ADPGK: variants seen among roughly 807,000 people sequenced by gnomAD.
ADPGK encodes ADP dependent glucokinase, also known as ADP-dependent glucokinase.
In ADPGK, 26 loss-of-function variants were observed where a neutral mutation model predicts 42.4. The observed-to-expected ratio is 0.61, with a 90% CI of 0.45 to 0.85. The LOEUF (loss-of-function observed/expected upper bound fraction) is 0.85. Among genes scored for constraint, ADPGK ranks in the 40% least tolerant of loss-of-function variants. The pLI is 0.00. For missense variants in ADPGK, 571 were observed against 627.0 expected (o/e 0.91, Z 0.95); for synonymous variants, 267 against 252.6 (o/e 1.06, Z -0.54).
chr15:72,778,171 C>T (rs1285726101), intron 1 of ADPGK, among the ~76,000 whole-genome samples: 4 of 152,120 alleles, frequency 2.6e-5, no homozygotes, highest in African/African-American at 9.7e-5. Context: ...ATCACTTGAG[C>T]CTGGGAGGCA....
intron 3 of ADPGK, among the ~76,000 whole-genome samples, chr15:72,765,975 A>G (rs1008495520): frequency 6.6e-6 from 1 of 152,146 alleles, no homozygotes; most frequent in African/African-American, 2.4e-5. Context: ...TCCAATTTTT[A>G]GAAGTTTTTT....
chr15:72,771,743 TAGG>T, intron 3 of ADPGK, 37 bp downstream of exon 3: 1 of 1,557,764 alleles, frequency 6.4e-7, no homozygotes. Flanking sequence ...ATTGAAACAC[TAGG>T]GAAAGGCATA....
intron 3 of ADPGK, among the ~76,000 whole-genome samples, chr15:72,769,349 A>C (rs2066300464): frequency 1.3e-5 from 2 of 152,154 alleles, no homozygotes; most frequent in African/African-American, 4.8e-5. Context: ...TAATTCCACA[A>C]GTATATATTT....
rs763126422 is a variant in ADPGK at position 72,760,475 on chromosome 15, T to C, written c.575A>G (p.Asn192Ser). The change falls in exon 4 of 7, where the codon AAT becomes AGT. Residue 192 changes from asparagine to serine, a missense_variant. Physicochemically the swap from Asn to Ser is conservative, Grantham distance 46. This residue lies in a region of ADPGK where 434 missense variants were observed against 522.7 expected (regional missense o/e 0.83). Transcript: ENST00000456471. ...CAATGACTCTGGTGGAACAAAGACATTGTCATCAAGAAGCTCATGTAGCTT... is the reference window on the plus strand; with the variant it reads ...CAATGACTCTGGTGGAACAAAGACACTGTCATCAAGAAGCTCATGTAGCTT... ...GPKLHELLDD[N>S]VFVPPESLQE... is the part of the protein sequence containing the mutation. 6.2e-7 allele frequency: 1 copy of C among 1,610,452 alleles called. No homozygotes were observed. The highest frequency in any genetic ancestry group is 1.1e-5 in the South Asian group (1 of 90,956).
intron 3 of ADPGK, among the ~76,000 whole-genome samples, chr15:72,760,805 T>C (rs1392267871): frequency 6.6e-6 from 1 of 152,138 alleles, no homozygotes; most frequent in South Asian, 2.1e-4. Flanking sequence ...AGCTGCTACA[T>C]CTCATTCCCT....
intron 3 of ADPGK, among the ~76,000 whole-genome samples, chr15:72,763,161 AT>A (rs1277064245): frequency 6.6e-6 from 1 of 151,624 alleles, no homozygotes; most frequent in African/African-American, 2.4e-5. Context: ...ATGTTTTTAT[AT>A]TTTTTTGAGA....
chr15:72,754,282 A>T (rs1295790922), intron 6 of ADPGK, among the ~76,000 whole-genome samples: 1 of 152,106 alleles, frequency 6.6e-6, no homozygotes, highest in African/African-American at 2.4e-5. Flanking sequence ...GTATCTGGGA[A>T]GGGTTCTGGA....
At chr15:72,772,214 A>G (rs950921738) in intron 2 of ADPGK, among the ~76,000 whole-genome samples, 3 of 152,206 alleles carry the variant, frequency 2.0e-5, no homozygotes, top group Non-Finnish European at 2.9e-5. Flanking sequence ...TGGAAAAATC[A>G]TTCAGTAGAT....
At chr15:72,762,628 A>G (rs1329021439) in intron 3 of ADPGK, among the ~76,000 whole-genome samples, 1 of 152,208 alleles carries the variant, frequency 6.6e-6, no homozygotes, top group African/African-American at 2.4e-5. Context: ...AAAATATATG[A>G]AACAATGGTT....
chr15:72,779,244 G>GTTTT (rs35321622), intron 1 of ADPGK, among the ~76,000 whole-genome samples: 52 of 107,186 alleles, frequency 4.9e-4, no homozygotes, highest in African/African-American at 7.0e-4. Context: ...TAGCATGAGG[G>GTTTT]TTTTTTTTTT....
intron 2 of ADPGK, 143 bp from the exon 3 acceptor site, chr15:72,771,988 T>C: frequency 1.9e-6 from 1 of 517,016 alleles, no homozygotes; most frequent in East Asian, 3.2e-5. Context: ...GACACACAGA[T>C]GAAGTGAATG....
intron 4 of ADPGK, chr15:72,757,707 A>T (rs534893106): frequency 5.5e-6 from 1 of 181,674 alleles, no homozygotes; most frequent in South Asian, 1.2e-4. Context: ...ATGGGTATGA[A>T]CCCCAAATCC....
Position 72,756,231 on chromosome 15 carries a change from T to C in ADPGK, c.840+20A>G, listed in dbSNP as rs756153103. On this transcript the variant is annotated intron_variant, in intron 5 of 6. Coordinates refer to ENST00000456471, the MANE Select transcript of ADPGK (RefSeq NM_001365225.1). ...AAACCACCAGCTGAGATCTGTGAAA[T>C]TCTGTAACAGTGCCATTACCTCCAA... is the stretch of plus-strand genomic sequence containing the variant. 15 of 1,613,338 alleles carry C rather than the reference T, an allele frequency of 9.3e-6. No homozygotes were observed. The highest frequency in any genetic ancestry group is 1.0e-5 in the Non-Finnish European group (12 of 1,179,414).
Position 72,783,578 on chromosome 15 carries a change from C to A in ADPGK, c.114G>T (p.Ser38=). The part of the protein sequence containing the change: ...PGSALRSLWS[S]LCLGPAPAPP... ...GCGCAGGCGCGGGCCCCAGACACAGCGAGCTCCAGAGAGAGCGCAGCGCCG... is the reference window on the plus strand; with the variant it reads ...GCGCAGGCGCGGGCCCCAGACACAGAGAGCTCCAGAGAGAGCGCAGCGCCG... The change falls in exon 1 of 7, where the codon TCG becomes TCT. Residue 38 remains serine (S), a synonymous_variant. Coordinates refer to ENST00000456471, the MANE Select transcript of ADPGK (RefSeq NM_001365225.1). 6.6e-7 allele frequency: 1 copy of A among 1,512,296 alleles called. No homozygotes were observed. The highest frequency in any genetic ancestry group is 1.2e-5 in the South Asian group (1 of 81,466). 93.7% of individuals were successfully genotyped at this position (1,512,296 alleles called of 1,614,324 possible). A position where few individuals can be genotyped will look rare whatever the true frequency, so the allele number is the denominator to read the frequency against.
intron 4 of ADPGK, chr15:72,757,911 A>AAT: frequency 3.2e-6 from 2 of 632,464 alleles, no homozygotes; most frequent in Non-Finnish European, 5.4e-6. Context: ...CAGAGGCAAA[A>AAT]ATAAACAGGC....
At position 72,783,649 on chromosome 15, in the gene ADPGK, G is replaced by C; in HGVS notation, c.43C>G (p.Leu15Val). Residue 15 changes from leucine to valine, a missense_variant, in exon 1 of 7, where the codon CTG (leucine) becomes GTG (valine). Leu to Val is a conservative substitution (Grantham distance 32, BLOSUM62 1). This residue lies in a region of ADPGK where 137 missense variants were observed against 104.2 expected (regional missense o/e 1.31). Transcript: ENST00000456471. ...AGCAGGAAGACGCAGCCCACGGCCA[G>C]CGCCAGGAAGCCCGCGTACGCGGAG... ...RGSAYAGFLA[L>V]AVGCVFLLEP... The C allele has an allele frequency of 6.6e-7, 1 of 1,509,578 alleles. No individual in the cohort carries two copies. Among genetic ancestry groups the C allele is most frequent in the Non-Finnish European group, 8.8e-7 (1 of 1,136,754 alleles). 93.5% of individuals were successfully genotyped at this position (1,509,578 alleles called of 1,614,324 possible). A position where few individuals can be genotyped will look rare whatever the true frequency, so the allele number is the denominator to read the frequency against.
At chr15:72,758,254 T>TCTGCCTGTAAATGTGAGGAA in intron 4 of ADPGK, 1 of 812,452 alleles carries the variant, frequency 1.2e-6, no homozygotes, top group Non-Finnish European at 2.1e-6. Flanking sequence ...TAATGGTAGT[T>TCTGCCTGTAAATGTGAGGAA]AGCGCCCCTC....
chr15:72,752,237 T>A lies in ADPGK; in HGVS notation c.*104A>T, dbSNP rs2066054024. The A allele has an allele frequency of 1.7e-6, 2 of 1,176,236 alleles. No individual in the cohort carries two copies. The highest frequency in any genetic ancestry group is 1.2e-6 in the Non-Finnish European group (1 of 854,022). 72.9% of individuals were successfully genotyped at this position (1,176,236 alleles called of 1,614,324 possible). A position where few individuals can be genotyped will look rare whatever the true frequency, so the allele number is the denominator to read the frequency against. The stretch of plus-strand genomic sequence containing the variant: ...AGGCTGGAATGTACCTGATACAGTT[T>A]AATCTGCTTTTATTTCTTTGGCTGT... On this transcript the variant is annotated 3_prime_UTR_variant, in exon 7 of 7. Transcript: ENST00000456471.
intron 3 of ADPGK, among the ~76,000 whole-genome samples, chr15:72,769,134 G>A (rs1215915233): frequency 6.6e-6 from 1 of 152,160 alleles, no homozygotes; most frequent in Non-Finnish European, 1.5e-5. Context: ...CACAATTTTA[G>A]TAAACTGAAT....
Sources: allele counts gnomAD v4.1 joint callset (sites outside exome capture counted in the v4.1 genomes callset), GRCh38; gene constraint gnomAD v4.1.1; regional missense constraint gnomAD v4.1.1; transcripts MANE v1.5; gene names NCBI Gene and HGNC (gene_info 2026-07-23, HGNC 2026-07-21).